Variants in NRXN3 observed in about 807,000 individuals in gnomAD.
The protein encoded by NRXN3 is neurexin III.
A neutral mutation model predicts 137.6 loss-of-function variants in NRXN3; 32 were observed. That is an observed-to-expected ratio of 0.23 (90% confidence interval 0.18 to 0.31). The LOEUF is 0.31. Ranked by LOEUF, NRXN3 falls within the 10% of genes least tolerant of loss-of-function variation. The probability of loss-of-function intolerance (pLI) is 1.00; values close to 1 mark genes in which losing one functional copy is unlikely to be tolerated. For synonymous variants in NRXN3, 798 were observed against 784.5 expected (o/e 1.02, Z -0.29); for missense variants, 1,574 against 2,062.5 (o/e 0.76, Z 4.59).
chr14:78,274,216 C>T (rs2073233894), intron 2 of NRXN3, among the ~76,000 whole-genome samples: 1 of 152,182 alleles, frequency 6.6e-6, no homozygotes, highest in African/African-American at 2.4e-5. Flanking sequence ...TCTCATGCTT[C>T]TGTGAAGGAA....
intron 15 of NRXN3, among the ~76,000 whole-genome samples, chr14:79,049,485 G>T (rs1310900588): frequency 6.6e-6 from 1 of 152,016 alleles, no homozygotes; most frequent in Non-Finnish European, 1.5e-5. Context: ...CCAAAGTCTT[G>T]AACCCCATAA....
In NRXN3 at chr14:78,351,688, C is replaced by G. The variant is rs148240679; in HGVS notation, c.757+53828C>G. Among the ~76,000 whole-genome samples the G allele has an allele frequency of 5.4e-3, 816 of 149,796 alleles. 5 individuals are homozygous for G. The highest frequency in any genetic ancestry group is 0.019 in the African/African-American group (791 of 40,892). On this transcript the variant is annotated intron_variant, in intron 4 of 20. Coordinates refer to ENST00000335750, the MANE Select transcript of NRXN3 (RefSeq NM_001330195.2). ...TATTTTTCCTAGATTTGTTGGAATTCTTTATTATTCTGGATAACCACTCCT... is the reference window on the plus strand; with the variant it reads ...TATTTTTCCTAGATTTGTTGGAATTGTTTATTATTCTGGATAACCACTCCT...
intron 19 of NRXN3, among the ~76,000 whole-genome samples, chr14:79,794,484 A>G (rs2140355447): frequency 6.6e-6 from 1 of 152,182 alleles, no homozygotes. Flanking sequence ...TGATACAGAG[A>G]CTTAAGAAAG....
intron 15 of NRXN3, among the ~76,000 whole-genome samples, chr14:79,338,857 T>A (rs2153355069): frequency 6.6e-6 from 1 of 152,330 alleles, no homozygotes; most frequent in African/African-American, 2.4e-5. Context: ...TGTTTGTTAA[T>A]TATTTGACAT....
chr14:79,806,726 T>TG (rs1004683527), intron 20 of NRXN3, among the ~76,000 whole-genome samples: 6 of 151,102 alleles, frequency 4.0e-5, no homozygotes, highest in Non-Finnish European at 4.4e-5. Context: ...TCTGTTTTTT[T>TG]TTTTTAAGAA....
intron 4 of NRXN3, among the ~76,000 whole-genome samples, chr14:78,400,293 A>C (rs570069982): frequency 6.6e-6 from 1 of 152,322 alleles, no homozygotes; most frequent in African/African-American, 2.4e-5. Context: ...AAAAGTCAGA[A>C]AGATTAGTTT....
At chr14:79,451,187 A>AAT (rs1041262696) in intron 15 of NRXN3, among the ~76,000 whole-genome samples, 1 of 151,454 alleles carries the variant, frequency 6.6e-6, no homozygotes, top group African/African-American at 2.4e-5. Flanking sequence ...AAAAAAAAAA[A>AAT]GCTCAGGATA....
At chr14:79,703,979 A>C (rs1324259436) in intron 19 of NRXN3, among the ~76,000 whole-genome samples, 1 of 152,024 alleles carries the variant, frequency 6.6e-6, no homozygotes, top group Non-Finnish European at 1.5e-5. Flanking sequence ...GCCCAGGAAC[A>C]ATTTTGTTTA....
intron 15 of NRXN3, 71 bp downstream of exon 15, chr14:78,988,212 A>G: frequency 1.9e-6 from 3 of 1,573,558 alleles, no homozygotes; most frequent in South Asian, 2.2e-5. Context: ...TTAAAGGACA[A>G]TATGTAAAAG....
intron 15 of NRXN3, among the ~76,000 whole-genome samples, chr14:79,038,392 C>G (rs984218754): frequency 9.2e-5 from 14 of 152,066 alleles, no homozygotes; most frequent in Non-Finnish European, 2.9e-5. Context: ...TTTTAGGCCA[C>G]TAACCCAAAG....
chr14:78,474,813 G>T (rs1406884251), intron 4 of NRXN3, among the ~76,000 whole-genome samples: 1 of 152,194 alleles, frequency 6.6e-6, no homozygotes, highest in African/African-American at 2.4e-5. Flanking sequence ...ATATATGCAA[G>T]GAACTGGTCT....
intron 18 of NRXN3, among the ~76,000 whole-genome samples, chr14:79,692,491 A>C (rs2098720256): frequency 6.6e-6 from 1 of 152,144 alleles, no homozygotes; most frequent in Non-Finnish European, 1.5e-5. Flanking sequence ...TGCTATCAGC[A>C]TGACAAACAC....
At chr14:78,459,106 A>C (rs897393058) in intron 4 of NRXN3, among the ~76,000 whole-genome samples, 1 of 152,200 alleles carries the variant, frequency 6.6e-6, no homozygotes, top group African/African-American at 2.4e-5. Context: ...GTGGACTTAC[A>C]TAGCTAACAT....
rs56083130 is a variant in NRXN3, at chr14:78,523,816, C to CAAA, written c.758-121277_758-121275dup. Reference sequence around the variant, plus strand: ...TGGGTGACAGAGCAAGACTCTGTCTCAAAAAAAAAAAAAAAAAAAAAAAAA... The same window carrying CAAA: ...TGGGTGACAGAGCAAGACTCTGTCTCAAAAAAAAAAAAAAAAAAAAAAAAAAAA... On this transcript the variant is annotated intron_variant, in intron 4 of 20. Transcript: ENST00000335750. Among the ~76,000 whole-genome samples, 558 of 61,548 alleles carry CAAA rather than the reference C, an allele frequency of 9.1e-3. 113 individuals carry two copies. The highest frequency in any genetic ancestry group is 0.053 in the African/African-American group (465 of 8,708). 40.4% of individuals were successfully genotyped at this position (61,548 alleles called of 152,430 possible). A position where few individuals can be genotyped will look rare whatever the true frequency, so the allele number is the denominator to read the frequency against.
intron 19 of NRXN3, among the ~76,000 whole-genome samples, chr14:79,708,228 A>G (rs574262270): frequency 6.6e-6 from 1 of 150,766 alleles, no homozygotes; most frequent in East Asian, 2.0e-4. Context: ...ACAATACAGT[A>G]TAACAACTAT....
chr14:79,339,110 A>G (rs754999535), intron 15 of NRXN3, among the ~76,000 whole-genome samples: 1 of 152,110 alleles, frequency 6.6e-6, no homozygotes, highest in African/African-American at 2.4e-5. Context: ...CCAACAGCCT[A>G]TGATGAAGTG....
At chr14:79,452,826 T>C (rs2096198449) in intron 15 of NRXN3, among the ~76,000 whole-genome samples, 1 of 152,192 alleles carries the variant, frequency 6.6e-6, no homozygotes, top group Non-Finnish European at 1.5e-5. Flanking sequence ...AAAAACAAAG[T>C]ATAAGCTAAG....
chr14:78,752,480 G>A (rs971492333), intron 8 of NRXN3, among the ~76,000 whole-genome samples: 1 of 152,200 alleles, frequency 6.6e-6, no homozygotes, highest in African/African-American at 2.4e-5. Context: ...TAGAACCTAT[G>A]TATGCCAAGC....
At chr14:79,205,592 T>C (rs2066674374) in intron 15 of NRXN3, among the ~76,000 whole-genome samples, 1 of 152,200 alleles carries the variant, frequency 6.6e-6, no homozygotes, top group African/African-American at 2.4e-5. Flanking sequence ...CCATCATCAA[T>C]CACCATTATT....
Sources: gnomAD v4.1 joint callset for allele counts (sites outside exome capture counted in the v4.1 genomes callset) on GRCh38, gnomAD v4.1.1 for gene constraint, MANE v1.5 for transcripts, NCBI Gene and HGNC (gene_info 2026-07-23, HGNC 2026-07-21) for gene names.